KNTC1: variants seen among roughly 807,000 people sequenced by gnomAD.
KNTC1 encodes kinetochore associated 1.
In KNTC1, 253 loss-of-function variants were observed where a neutral mutation model predicts 314.4. The observed-to-expected ratio is 0.80, with a 90% confidence interval of 0.73 to 0.89. The LOEUF (loss-of-function observed/expected upper bound fraction) is 0.89, where lower values mean the gene tolerates loss of function less well. Among genes scored for constraint, KNTC1 ranks in the 40% least tolerant of loss-of-function variants. KNTC1 has a pLI of 0.00. For synonymous variants in KNTC1, 901 were observed against 901.4 expected (o/e 1.00, Z 0.01); for missense variants, 2,475 against 2,572.9 (o/e 0.96, Z 0.82).
intron 44 of KNTC1, among the ~76,000 whole-genome samples, chr12:122,599,052 G>A (rs1251256349): frequency 1.3e-5 from 2 of 151,910 alleles, no homozygotes; most frequent in East Asian, 1.9e-4. Flanking sequence ...TGTTGTCTGG[G>A]TATGGCTGGG....
At chr12:122,540,158 C>T (rs573435314) in intron 5 of KNTC1, among the ~76,000 whole-genome samples, 1 of 150,364 alleles carries the variant, frequency 6.7e-6, no homozygotes, top group African/African-American at 2.5e-5. Context: ...CATTATTATG[C>T]TACCTACATT....
At chr12:122,587,594 A>C in intron 38 of KNTC1, 117 bp from the exon 39 acceptor site, 2 of 727,064 alleles carry the variant, frequency 2.8e-6, no homozygotes, top group East Asian at 3.0e-5. Flanking sequence ...ACTGAGAACA[A>C]ACTCCATGAC....
chr12:122,568,178 A>C (rs1964466501), intron 20 of KNTC1, 83 bp from the exon 21 acceptor site: 2 of 699,812 alleles, frequency 2.9e-6, no homozygotes, highest in Non-Finnish European at 5.0e-6. Context: ...AACTAATTAA[A>C]ATGCATTTAA....
intron 13 of KNTC1, among the ~76,000 whole-genome samples, chr12:122,550,875 T>C (rs1027389542): frequency 6.6e-6 from 1 of 152,224 alleles, no homozygotes; most frequent in Non-Finnish European, 1.5e-5. Flanking sequence ...TGTTTCTCTA[T>C]TTGGATTTGA....
chr12:122,616,805 G>A lies in KNTC1; in HGVS notation c.6030+1279G>A, dbSNP rs144296687. On this transcript the variant is annotated intron_variant, in intron 57 of 63. Coordinates refer to ENST00000333479, the MANE Select transcript of KNTC1 (RefSeq NM_014708.6). ...TGAAGTAGTTTTTGGTATATGCACA[G>A]AGTTGTACAGCCTCACCATTATCTA... 8.6e-3 allele frequency among the ~76,000 whole-genome samples: 1,303 copies of A among 152,232 alleles called. 17 individuals carry two copies. Among genetic ancestry groups the A allele is most frequent in the African/African-American group, 0.03 (1,260 of 41,530 alleles).
chr12:122,542,608 A>C (rs1311915385), intron 6 of KNTC1, among the ~76,000 whole-genome samples: 1 of 152,158 alleles, frequency 6.6e-6, no homozygotes, highest in Admixed American at 6.5e-5. Flanking sequence ...TCTACTAAAA[A>C]TACAAAATTA....
At chr12:122,560,251 T>C (rs1963888249) in intron 18 of KNTC1, among the ~76,000 whole-genome samples, 1 of 152,198 alleles carries the variant, frequency 6.6e-6, no homozygotes, top group African/African-American at 2.4e-5. Context: ...CTTTAGTTAT[T>C]TCCACATTTT....
chr12:122,547,382 A>C, intron 10 of KNTC1, 33 bp from the exon 11 acceptor site: 1 of 1,396,006 alleles, frequency 7.2e-7, no homozygotes. Flanking sequence ...TCTCAAAAAA[A>C]AAGGACATGT....
intron 16 of KNTC1, 66 bp downstream of exon 16, chr12:122,551,762 A>T: frequency 9.0e-7 from 1 of 1,109,730 alleles, no homozygotes; most frequent in Admixed American, 1.7e-5. Flanking sequence ...GGCTGAGAGG[A>T]CAGACATGTA....
intron 62 of KNTC1, among the ~76,000 whole-genome samples, chr12:122,624,349 G>T (rs1223929948): frequency 6.6e-6 from 1 of 151,954 alleles, no homozygotes; most frequent in East Asian, 1.9e-4. Flanking sequence ...GCTCACTGCT[G>T]CCCCAACCTC....
chr12:122,622,584 G>C lies in KNTC1; in HGVS notation c.6492G>C (p.Val2164=). ...AMNTNNITEL[V]NYLANDLSLD... ...ATACCAACAATATCACTGAGCTAGT[G>C]AACTATTTGGCAAATGACTTAAGGT... Residue 2164 remains valine, a synonymous_variant, in exon 62 of 64, where the codon GTG becomes GTC. Coordinates refer to ENST00000333479, the MANE Select transcript of KNTC1 (RefSeq NM_014708.6). The C allele has an allele frequency of 6.5e-7, 1 of 1,545,392 alleles. No individual in the cohort carries two copies. The highest frequency in any genetic ancestry group is 8.7e-7 in the Non-Finnish European group (1 of 1,145,256).
At chr12:122,546,850 G>A (rs1278872128) in intron 10 of KNTC1, among the ~76,000 whole-genome samples, 176 bp downstream of exon 10, 1 of 117,444 alleles carries the variant, frequency 8.5e-6, no homozygotes, top group Non-Finnish European at 1.8e-5. Flanking sequence ...TTTTTTTTTT[G>A]AGATAGAGTT....
rs181608890 is a variant in KNTC1, at chr12:122,587,560, C to G, written c.3731-151C>G. 1.9e-4 allele frequency: 97 copies of G among 519,718 alleles called. 1 individual carries two copies. The highest frequency in any genetic ancestry group is 1.8e-3 in the African/African-American group (92 of 50,912). 32.2% of individuals were successfully genotyped at this position (519,718 alleles called of 1,614,324 possible). On this transcript the variant is annotated intron_variant, in intron 38 of 63. Coordinates refer to ENST00000333479, the MANE Select transcript of KNTC1 (RefSeq NM_014708.6). The stretch of plus-strand genomic sequence containing the variant: ...AGTTATTTTCTGGTTTAAGTCAAGC[C>G]TCATGTTAACTTCTCATTAACTAAC...
intron 44 of KNTC1, among the ~76,000 whole-genome samples, chr12:122,600,372 T>C (rs1378106363): frequency 6.6e-6 from 1 of 152,212 alleles, no homozygotes; most frequent in Non-Finnish European, 1.5e-5. Flanking sequence ...GTGTTGGGAT[T>C]ACAGGCATGA....
At chr12:122,548,863 G>T (rs1433604218) in intron 12 of KNTC1, among the ~76,000 whole-genome samples, 1 of 152,036 alleles carries the variant, frequency 6.6e-6, no homozygotes, top group Non-Finnish European at 1.5e-5. Flanking sequence ...AGTTACTCGA[G>T]AGGCTGAGAC....
At chr12:122,529,862 C>A in intron 1 of KNTC1, 129 bp from the exon 2 acceptor site, 1 of 436,724 alleles carries the variant, frequency 2.3e-6, no homozygotes, top group Non-Finnish European at 4.1e-6. Flanking sequence ...TGTTATTGGC[C>A]CGAAGTGTTT....
At chr12:122,599,721 A>G (rs1331768527) in intron 44 of KNTC1, among the ~76,000 whole-genome samples, 1 of 152,224 alleles carries the variant, frequency 6.6e-6, no homozygotes, top group African/African-American at 2.4e-5. Context: ...GCCAAAAATT[A>G]CATAGATTGC....
intron 53 of KNTC1, chr12:122,611,443 A>G (rs1392218256): frequency 6.6e-6 from 1 of 152,538 alleles, no homozygotes; most frequent in Non-Finnish European, 1.5e-5. Context: ...AAGAAAAGGA[A>G]GTCTGAGGTG....
chr12:122,573,394 T>TG (rs922145058), intron 26 of KNTC1, 109 bp downstream of exon 26: 2 of 984,042 alleles, frequency 2.0e-6, no homozygotes, highest in African/African-American at 3.3e-5. Flanking sequence ...GTAGGACTCA[T>TG]GCAGCATATT....
Sources: allele counts gnomAD v4.1 joint callset (sites outside exome capture counted in the v4.1 genomes callset), GRCh38; gene constraint gnomAD v4.1.1; transcripts MANE v1.5; gene names NCBI Gene and HGNC (gene_info 2026-07-23, HGNC 2026-07-21).